WWOX: variants seen among roughly 807,000 people sequenced by gnomAD.
WWOX encodes WW domain containing oxidoreductase.
In WWOX, 69 loss-of-function variants were observed where a neutral mutation model predicts 46.2. The observed-to-expected ratio is 1.49, with a 90% confidence interval of 1.23 to 1.82. The LOEUF (loss-of-function observed/expected upper bound fraction) is 1.82. Ranked by LOEUF, WWOX falls within the 40% of genes most tolerant of loss-of-function variation. The pLI is 0.00. For missense variants in WWOX, 919 were observed against 542.6 expected, an observed-to-expected ratio of 1.69 and a Z score of -6.89; for synonymous variants, 359 against 202.6, an observed-to-expected ratio of 1.77 and a Z score of -6.56.
At chr16:78,810,940 C>T (rs187860399) in intron 8 of WWOX, among the ~76,000 whole-genome samples, 250 of 149,042 alleles carry the variant, frequency 1.7e-3, no homozygotes, top group African/African-American at 5.8e-3. Context: ...ATACTGCAGG[C>T]AGAGCTGGGG....
chr16:79,208,040 G>C (rs1375837542), intron 8 of WWOX, among the ~76,000 whole-genome samples: 2 of 152,158 alleles, frequency 1.3e-5, no homozygotes, highest in Non-Finnish European at 2.9e-5. Context: ...CCTTTCTGTA[G>C]TTGAAGATTG....
intron 8 of WWOX, among the ~76,000 whole-genome samples, chr16:78,660,697 C>A (rs373552019): frequency 5.9e-5 from 9 of 152,156 alleles, no homozygotes; most frequent in African/African-American, 2.2e-4. Flanking sequence ...AGTAAAATTT[C>A]TTTCATTCCC....
At chr16:78,730,033 A>G (rs374940609) in intron 8 of WWOX, among the ~76,000 whole-genome samples, 1 of 152,196 alleles carries the variant, frequency 6.6e-6, no homozygotes, top group South Asian at 2.1e-4. Flanking sequence ...TTCTTATGAT[A>G]AGTAACAGTG....
At chr16:78,355,474 C>A (rs959756103) in intron 5 of WWOX, 26 of 320,636 alleles carry the variant, frequency 8.1e-5, no homozygotes, top group Non-Finnish European at 1.6e-4. Flanking sequence ...TGGTGGCGGG[C>A]ACCTGTAGTC....
At chr16:78,847,516 G>A (rs1202554564) in intron 8 of WWOX, among the ~76,000 whole-genome samples, 1 of 151,416 alleles carries the variant, frequency 6.6e-6, no homozygotes, top group Non-Finnish European at 1.5e-5. Context: ...TTCTTTTTGT[G>A]GAGAGCAGGG....
chr16:78,406,317 TA>T (rs1567553328), intron 6 of WWOX, among the ~76,000 whole-genome samples: 1 of 67,784 alleles, frequency 1.5e-5, no homozygotes, highest in Non-Finnish European at 2.4e-5. Flanking sequence ...TATATATATA[TA>T]TATATATATA....
At position 78,700,112 on chromosome 16, in the gene WWOX, A is replaced by G. The variant is rs182293794; in HGVS notation, c.1056+267360A>G. Among the ~76,000 whole-genome samples the G allele has an allele frequency of 1.8e-3, 266 of 151,180 alleles. 2 individuals are homozygous for G. The highest frequency in any genetic ancestry group is 5.2e-3 in the African/African-American group (216 of 41,282). ...CCTAGGGTCATTTTTTTCAACCCAC[A>G]CTAGTTACGTGGACTGTCTTAGTCA... On this transcript the variant is annotated intron_variant, in intron 8 of 8. Transcript: ENST00000566780.
intron 8 of WWOX, among the ~76,000 whole-genome samples, chr16:79,177,765 G>C (rs546579435): frequency 6.6e-6 from 1 of 152,238 alleles, no homozygotes; most frequent in Admixed American, 6.5e-5. Context: ...AAAAGGGACA[G>C]ATAGTAAATA....
intron 8 of WWOX, among the ~76,000 whole-genome samples, chr16:78,739,793 A>G (rs1290193040): frequency 6.6e-6 from 1 of 152,196 alleles, no homozygotes; most frequent in East Asian, 1.9e-4. Flanking sequence ...CCTGGGCAAC[A>G]GGGAGAGATT....
chr16:78,791,750 C>T (rs953735472), intron 8 of WWOX, among the ~76,000 whole-genome samples: 2 of 151,988 alleles, frequency 1.3e-5, no homozygotes, highest in Admixed American at 6.6e-5. Flanking sequence ...TTTGGTGGCG[C>T]CTGCCTATAA....
chr16:78,194,125 G>T (rs192207921), intron 5 of WWOX, among the ~76,000 whole-genome samples: 1 of 151,762 alleles, frequency 6.6e-6, no homozygotes, highest in African/African-American at 2.4e-5. Context: ...TGATCCGTCC[G>T]CCTCGGCCTC....
chr16:78,382,684 C>G (rs1417074858), intron 5 of WWOX, among the ~76,000 whole-genome samples: 1 of 152,144 alleles, frequency 6.6e-6, no homozygotes, highest in Admixed American at 6.5e-5. Context: ...TGTGCTAATT[C>G]TAACACTTCT....
At chr16:79,054,320 T>C (rs1447936588) in intron 8 of WWOX, among the ~76,000 whole-genome samples, 5 of 152,198 alleles carry the variant, frequency 3.3e-5, no homozygotes, top group African/African-American at 1.2e-4. Context: ...CCCCCAGCTA[T>C]CCCGGTTTCT....
intron 5 of WWOX, among the ~76,000 whole-genome samples, chr16:78,300,966 A>G (rs2080029548): frequency 6.6e-6 from 1 of 151,912 alleles, no homozygotes; most frequent in South Asian, 2.1e-4. Context: ...TTACCCATCC[A>G]TCCATACATT....
At chr16:78,114,117 A>G (rs1288429313) in intron 3 of WWOX, among the ~76,000 whole-genome samples, 1 of 124,562 alleles carries the variant, frequency 8.0e-6, no homozygotes, top group African/African-American at 3.1e-5. Context: ...TTTAATGGTT[A>G]CCCAGGGTCT....
chr16:78,331,023 T>A (rs577300831), intron 5 of WWOX, among the ~76,000 whole-genome samples: 23 of 152,320 alleles, frequency 1.5e-4, no homozygotes, highest in African/African-American at 5.3e-4. Flanking sequence ...TGGCGTTAAA[T>A]TGAGTAAACC....
chr16:78,786,141 C>T (rs761789644), intron 8 of WWOX, among the ~76,000 whole-genome samples: 1 of 152,124 alleles, frequency 6.6e-6, no homozygotes, highest in Non-Finnish European at 1.5e-5. Context: ...AACTCCTGCC[C>T]TCCGGTGATC....
chr16:78,561,622 T>C (rs1202367473), intron 8 of WWOX, among the ~76,000 whole-genome samples: 3 of 151,798 alleles, frequency 2.0e-5, no homozygotes, highest in African/African-American at 4.8e-5. Context: ...AGACCTGATA[T>C]TTGGAGAGAC....
chr16:78,884,486 C>G (rs1413582381), intron 8 of WWOX, among the ~76,000 whole-genome samples: 1 of 151,834 alleles, frequency 6.6e-6, no homozygotes, highest in Admixed American at 6.6e-5. Context: ...GTAATAAATC[C>G]ACACAAGAGG....
Sources: gnomAD v4.1 joint callset for allele counts (sites outside exome capture counted in the v4.1 genomes callset) on GRCh38, gnomAD v4.1.1 for gene constraint, MANE v1.5 for transcripts, NCBI Gene and HGNC (gene_info 2026-07-23, HGNC 2026-07-21) for gene names.